Variants in SGCD observed in about 807,000 individuals in gnomAD.
The protein encoded by SGCD is delta-sarcoglycan.
A neutral mutation model predicts 36.6 loss-of-function variants in SGCD; 18 were observed. That is an observed-to-expected ratio of 0.49 (90% CI 0.34 to 0.73). SGCD has a LOEUF of 0.73. Among genes scored for constraint, SGCD ranks in the 30% least tolerant of loss-of-function variants. The pLI, the probability that SGCD is intolerant of heterozygous loss-of-function variation, is 0.01. For synonymous variants in SGCD, 133 were observed against 130.6 expected (o/e 1.02, Z -0.12); for missense variants, 387 against 346.7 (o/e 1.12, Z -0.92).
At chr5:156,240,121 G>C (rs1197057565) in intron 3 of SGCD, among the ~76,000 whole-genome samples, 2 of 152,186 alleles carry the variant, frequency 1.3e-5, no homozygotes, top group Admixed American at 1.3e-4. Flanking sequence ...AGAGTTGCCA[G>C]AGAGTTTCTT....
chr5:156,079,767 AT>A (rs1235256830), intron 1 of SGCD, among the ~76,000 whole-genome samples: 1 of 152,114 alleles, frequency 6.6e-6, no homozygotes, highest in Non-Finnish European at 1.5e-5. Flanking sequence ...GCCTTTACAT[AT>A]TTTAGCTTCC....
At chr5:155,987,706 T>C (rs1474650731) in intron 1 of SGCD, among the ~76,000 whole-genome samples, 12 of 152,170 alleles carry the variant, frequency 7.9e-5, no homozygotes, top group Non-Finnish European at 1.8e-4. Context: ...CCAGGCACTT[T>C]CCTGCTAAGT....
At chr5:155,768,574 G>A in the SGCD span, among the ~76,000 whole-genome samples, 1 of 152,066 alleles carries the variant, frequency 6.6e-6, no homozygotes, top group Non-Finnish European at 1.5e-5. Flanking sequence ...GATTGACAAT[G>A]TTCAGAAATG....
intron 1 of SGCD, among the ~76,000 whole-genome samples, chr5:155,950,464 C>T (rs1757526805): frequency 6.6e-6 from 1 of 152,132 alleles, no homozygotes; most frequent in Admixed American, 6.6e-5. Flanking sequence ...TAAACCCGTC[C>T]CTGAACTTTC....
chr5:156,697,025 A>G (rs1450178408), intron 7 of SGCD, among the ~76,000 whole-genome samples: 3 of 151,492 alleles, frequency 2.0e-5, no homozygotes, highest in Non-Finnish European at 4.4e-5. Flanking sequence ...CTCTGGACCT[A>G]TTAAACAGCA....
At chr5:155,781,261 T>A in the SGCD span, among the ~76,000 whole-genome samples, 2 of 152,134 alleles carry the variant, frequency 1.3e-5, no homozygotes, top group Non-Finnish European at 2.9e-5. Flanking sequence ...AAATAAGACA[T>A]GGAGTCATAT....
intron 1 of SGCD, among the ~76,000 whole-genome samples, chr5:156,104,852 T>A (rs1761606994): frequency 6.6e-6 from 1 of 152,178 alleles, no homozygotes; most frequent in African/African-American, 2.4e-5. Flanking sequence ...AAGGAGATAA[T>A]GCCAGTTAGT....
chr5:156,224,855 G>T (rs1227080866), intron 3 of SGCD, among the ~76,000 whole-genome samples: 1 of 151,958 alleles, frequency 6.6e-6, no homozygotes, highest in Non-Finnish European at 1.5e-5. Flanking sequence ...AAAATATGTA[G>T]GAAAATATTC....
chr5:156,511,179 A>G (rs1384461730), intron 4 of SGCD, among the ~76,000 whole-genome samples: 1 of 152,238 alleles, frequency 6.6e-6, no homozygotes, highest in Non-Finnish European at 1.5e-5. Flanking sequence ...CAAAAATAGT[A>G]AAGTTTTATA....
At chr5:156,684,671 T>C (rs1753842722) in intron 7 of SGCD, among the ~76,000 whole-genome samples, 1 of 152,224 alleles carries the variant, frequency 6.6e-6, no homozygotes, top group Non-Finnish European at 1.5e-5. Context: ...GAGTTGTTTC[T>C]TTCCCCCAGC....
rs987620886 is a variant in SGCD at position 156,764,633 on chromosome 5, A to G, written c.*5243A>G. ...TTTTTGGGGCAACTCATGCTCACACATGCTGTTTTCTTTGGTTCTCCCCCT... is the reference window on the plus strand; with the variant it reads ...TTTTTGGGGCAACTCATGCTCACACGTGCTGTTTTCTTTGGTTCTCCCCCT... On this transcript the variant is annotated 3_prime_UTR_variant, in exon 9 of 9. Transcript: ENST00000337851. 6.6e-6 allele frequency: 1 copy of G among 152,460 alleles called. No homozygotes were observed. Among genetic ancestry groups the G allele is most frequent in the Admixed American group, 6.6e-5 (1 of 15,266 alleles). The allele number at this position is 152,460 out of a possible 1,614,324, so 9.4% of individuals were successfully genotyped here.
intron 4 of SGCD, among the ~76,000 whole-genome samples, chr5:156,548,310 A>G (rs571653679): frequency 2.0e-5 from 3 of 152,340 alleles, no homozygotes; most frequent in South Asian, 4.1e-4. Context: ...GTTAATTGGA[A>G]AAGTATGAAA....
At chr5:156,718,216 A>G (rs1043312814) in intron 7 of SGCD, among the ~76,000 whole-genome samples, 2 of 152,234 alleles carry the variant, frequency 1.3e-5, no homozygotes, top group East Asian at 3.9e-4. Context: ...AACCTTTAGC[A>G]TGAGGCCTGA....
chr5:156,692,203 T>C (rs1754138220), intron 7 of SGCD, among the ~76,000 whole-genome samples: 1 of 152,236 alleles, frequency 6.6e-6, no homozygotes, highest in South Asian at 2.1e-4. Flanking sequence ...TTAAGTACAA[T>C]AATGACCTTC....
At chr5:156,365,304 A>G (rs187897080) in intron 3 of SGCD, among the ~76,000 whole-genome samples, 90 of 152,340 alleles carry the variant, frequency 5.9e-4, no homozygotes, top group African/African-American at 2.0e-3. Context: ...AAAACTAGGA[A>G]TTCCAATCAG....
At chr5:155,973,395 G>T (rs1183328931) in intron 1 of SGCD, among the ~76,000 whole-genome samples, 1 of 152,120 alleles carries the variant, frequency 6.6e-6, no homozygotes, top group Non-Finnish European at 1.5e-5. Flanking sequence ...GGAGAATGTG[G>T]CTAAGTCGTG....
At chr5:156,735,640 C>G (rs953956910) in intron 7 of SGCD, among the ~76,000 whole-genome samples, 2 of 152,156 alleles carry the variant, frequency 1.3e-5, no homozygotes, top group Non-Finnish European at 2.9e-5. Context: ...AGCTCTGTCC[C>G]GGGTAGGTGC....
intron 3 of SGCD, among the ~76,000 whole-genome samples, chr5:156,505,074 C>A (rs1756636782): frequency 6.6e-6 from 1 of 152,212 alleles, no homozygotes; most frequent in Non-Finnish European, 1.5e-5. Flanking sequence ...GTTTGCCTCT[C>A]CAGCTATCAG....
intron 3 of SGCD, among the ~76,000 whole-genome samples, chr5:156,312,696 T>G (rs1443284571): frequency 6.6e-6 from 1 of 152,150 alleles, no homozygotes; most frequent in Non-Finnish European, 1.5e-5. Context: ...CTCAGTTTCC[T>G]CATTTATAAA....
Sources: allele counts gnomAD v4.1 joint callset (sites outside exome capture counted in the v4.1 genomes callset), GRCh38; gene constraint gnomAD v4.1.1; transcripts MANE v1.5; gene names NCBI Gene and HGNC (gene_info 2026-07-23, HGNC 2026-07-21).